The following PCM1 variants were observed in gnomAD, a reference collection of about 807,000 sequenced individuals.
PCM1 encodes the protein pericentriolar material 1.
PCM1 carries 157 observed loss-of-function variants against 241.9 expected under a neutral mutation model. That is an observed-to-expected ratio of 0.65 (90% CI 0.57 to 0.74). The LOEUF (loss-of-function observed/expected upper bound fraction) is 0.74. Among genes scored for constraint, PCM1 ranks in the 30% least tolerant of loss-of-function variants. The pLI, the probability that PCM1 is intolerant of heterozygous loss-of-function variation, is 0.00. For missense variants in PCM1, 3,478 were observed against 2,360.1 expected, an observed-to-expected ratio of 1.47 and a Z score of -9.81; for synonymous variants, 1,085 against 784.9, an observed-to-expected ratio of 1.38 and a Z score of -6.39.
rs192452083 is a variant in PCM1, at chr8:17,939,735, T to C, written c.657T>C (p.Ala219=). 27 of 1,560,512 alleles carry C rather than the reference T, an allele frequency of 1.7e-5. No individual in the cohort carries two copies. In the African/African-American group the frequency reaches 3.4e-4, roughly 20 times the overall value. ...AAATTCGCGATTATATTACTAAAGC[T>C]AGTTCCATGCGGGAAGATCTTGTAG... ...LVQIRDYITK[A]SSMREDLVEK... is the part of the protein sequence containing the mutation. The change falls in exon 6 of 39, where the codon GCT becomes GCC. Residue 219 remains alanine (A), a synonymous_variant. Coordinates refer to ENST00000325083, the MANE Select transcript of PCM1 (RefSeq NM_006197.4).
chr8:17,930,720 T>A (rs561249985), intron 2 of PCM1, among the ~76,000 whole-genome samples: 1 of 151,826 alleles, frequency 6.6e-6, no homozygotes, highest in African/African-American at 2.4e-5. Flanking sequence ...CTACTAAAGA[T>A]ACAACAAAAA....
chr8:17,941,242 A>G (rs1380729538), intron 6 of PCM1, among the ~76,000 whole-genome samples: 2 of 152,172 alleles, frequency 1.3e-5, no homozygotes. Flanking sequence ...GATGTGGGTA[A>G]AGGAATTCTG....
At position 17,963,199 on chromosome 8, in the gene PCM1, A is replaced by G; in HGVS notation, c.2562A>G (p.Gln854=). 2 of 1,613,736 alleles carry G rather than the reference A, an allele frequency of 1.2e-6. No individual in the cohort carries two copies. Among genetic ancestry groups the G allele is most frequent in the Non-Finnish European group, 1.7e-6 (2 of 1,179,722 alleles). Residue 854 remains glutamine, a synonymous_variant, in exon 17 of 39, where the codon CAA becomes CAG. Transcript: ENST00000325083. ...TGATGGCTGAACATCAGAGGAGGCA[A>G]GGTCTAGCTGAAACTGCATCTCCAG... ...EALMAEHQRR[Q]GLAETASPVA... is the part of the protein sequence containing the mutation.
intron 36 of PCM1, among the ~76,000 whole-genome samples, chr8:18,020,629 A>C (rs1002207380): frequency 6.6e-6 from 1 of 152,222 alleles, no homozygotes; most frequent in East Asian, 1.9e-4. Context: ...GATGGATCCT[A>C]TGAAAAAACT....
intron 36 of PCM1, among the ~76,000 whole-genome samples, chr8:18,016,859 C>T (rs2093267605): frequency 1.3e-5 from 2 of 152,146 alleles, no homozygotes; most frequent in African/African-American, 2.4e-5. Flanking sequence ...GCCAGGACAC[C>T]GAGGTCTGGC....
chr8:18,000,855 C>G (rs978867387), intron 29 of PCM1, among the ~76,000 whole-genome samples: 2 of 152,094 alleles, frequency 1.3e-5, no homozygotes, highest in Non-Finnish European at 1.5e-5. Context: ...GTGATGCACC[C>G]GCCTGGGCCT....
chr8:17,927,358 G>C (rs1585401907), intron 2 of PCM1: 1 of 151,992 alleles, frequency 6.6e-6, no homozygotes, highest in East Asian at 1.9e-4. Flanking sequence ...CAAGTGATCC[G>C]CCTGCCTCAG....
chr8:17,984,749 A>G (rs867497267), intron 24 of PCM1, among the ~76,000 whole-genome samples: 4 of 151,992 alleles, frequency 2.6e-5, no homozygotes, highest in South Asian at 2.1e-4. Flanking sequence ...TGTGTTATCA[A>G]CAAGTAAATT....
At chr8:18,014,950 A>G (rs2092981125) in intron 36 of PCM1, 110 bp downstream of exon 36, 3 of 906,118 alleles carry the variant, frequency 3.3e-6, no homozygotes, top group Non-Finnish European at 4.8e-6. Context: ...TTAGGTTTAG[A>G]ACATGTTGGA....
chr8:17,984,544 C>A (rs368864826), intron 24 of PCM1, among the ~76,000 whole-genome samples: 1 of 151,714 alleles, frequency 6.6e-6, no homozygotes, highest in African/African-American at 2.4e-5. Flanking sequence ...TTATTTCATG[C>A]TTGTGGAAAT....
Position 17,972,700 on chromosome 8 carries a change from A to T in PCM1, c.3943+13A>T. The stretch of plus-strand genomic sequence containing the variant: ...GTTAAAAACATCAGTAAGTGTTGAA[A>T]TTTGTTGAATGTTGATCAGTGTAAA... On this transcript the variant is annotated intron_variant, in intron 23 of 38. Transcript: ENST00000325083. 6.9e-7 allele frequency: 1 copy of T among 1,455,316 alleles called. No homozygotes were observed. The highest frequency in any genetic ancestry group is 9.2e-7 in the Non-Finnish European group (1 of 1,089,426). The allele number at this position is 1,455,316 out of a possible 1,614,324, so 90.2% of individuals were successfully genotyped here.
In PCM1 at chr8:17,947,173, T is replaced by G. The variant is rs772015355; in HGVS notation, c.784-13T>G. ...AATAGTCAGATACAAGTATTGTTGG[T>G]CTTATTTTCCAGGCCAGAGATCCTC... On this transcript the variant is annotated splice_polypyrimidine_tract_variant and intron_variant, in intron 6 of 38. Transcript: ENST00000325083. 2 of 1,544,002 alleles carry G rather than the reference T, an allele frequency of 1.3e-6. No individual in the cohort carries two copies. The highest frequency in any genetic ancestry group is 1.4e-5 in the African/African-American group (1 of 72,340).
intron 27 of PCM1, among the ~76,000 whole-genome samples, chr8:17,990,603 G>GA (rs2084280215): frequency 6.6e-6 from 1 of 151,620 alleles, no homozygotes; most frequent in Admixed American, 6.6e-5. Context: ...TTAAGGAAAA[G>GA]AAAAATATGT....
chr8:17,957,818 T>C (rs775730678), intron 13 of PCM1, 43 bp downstream of exon 13: 9 of 1,314,198 alleles, frequency 6.8e-6, no homozygotes, highest in Non-Finnish European at 8.7e-6. Context: ...TGTCAAATAG[T>C]ACAGTCTTAA....
At chr8:17,988,862 G>A (rs1371124848) in intron 26 of PCM1, among the ~76,000 whole-genome samples, 2 of 151,998 alleles carry the variant, frequency 1.3e-5, no homozygotes, top group African/African-American at 2.4e-5. Flanking sequence ...GTCCTTATGA[G>A]AATGTAAAAT....
At chr8:17,932,610 A>C (rs532802690) in intron 2 of PCM1, among the ~76,000 whole-genome samples, 11 of 151,930 alleles carry the variant, frequency 7.2e-5, no homozygotes, top group Non-Finnish European at 2.9e-5. Flanking sequence ...TATTAACTAT[A>C]CTTAGTATTT....
rs1395083988 is a variant in PCM1, at chr8:17,957,411, T to C, written c.1794T>C (p.Pro598=). The change falls in exon 12 of 39, where the codon CCT becomes CCC. Residue 598 remains proline, a synonymous_variant. Coordinates refer to ENST00000325083, the MANE Select transcript of PCM1 (RefSeq NM_006197.4). Reference sequence around the variant, plus strand: ...CCAACATAAGGGCTCTAAACATGCCTCCTTCTTTAGGTATGACTGACTGTA... The same window carrying C: ...CCAACATAAGGGCTCTAAACATGCCCCCTTCTTTAGGTATGACTGACTGTA... ...SAANIRALNM[P]PSLDCRYNRE... is the part of the protein sequence containing the mutation. The C allele has an allele frequency of 8.1e-6, 13 of 1,612,162 alleles. No homozygotes were observed. In the Admixed American group the frequency reaches 1.3e-4, roughly 17 times the overall value.
intron 18 of PCM1, 121 bp from the exon 19 acceptor site, chr8:17,965,878 G>T: frequency 3.1e-6 from 2 of 639,746 alleles, no homozygotes; most frequent in Non-Finnish European, 2.7e-6. Flanking sequence ...TTAATACTTT[G>T]TATGTTCTTT....
intron 16 of PCM1, 146 bp from the exon 17 acceptor site, chr8:17,962,955 T>C (rs904359318): frequency 2.5e-5 from 15 of 604,606 alleles, no homozygotes; most frequent in Non-Finnish European, 2.3e-5. Context: ...ATATTATTAT[T>C]TTAACCTTCA....
Sources: allele counts gnomAD v4.1 joint callset (sites outside exome capture counted in the v4.1 genomes callset), GRCh38; gene constraint gnomAD v4.1.1; transcripts MANE v1.5; gene names NCBI Gene and HGNC (gene_info 2026-07-23, HGNC 2026-07-21).